EXT2: variants seen among roughly 807,000 people sequenced by gnomAD.
EXT2 encodes exostosin glycosyltransferase 2, also known as exostosin-2.
In EXT2, 53 loss-of-function variants were observed where a neutral mutation model predicts 81.6. The observed-to-expected ratio is 0.65, with a 90% confidence interval of 0.52 to 0.82. The LOEUF is 0.82. EXT2 is among the 40% of genes least tolerant of loss of function. The pLI is 0.00. For missense variants in EXT2, 774 were observed against 910.2 expected, an observed-to-expected ratio of 0.85 and a Z score of 1.93; for synonymous variants, 320 against 340.0, an observed-to-expected ratio of 0.94 and a Z score of 0.65.
At chr11:44,130,473 G>A (rs1405194958) in intron 7 of EXT2, among the ~76,000 whole-genome samples, 1 of 152,182 alleles carries the variant, frequency 6.6e-6, no homozygotes, top group Admixed American at 6.5e-5. Flanking sequence ...CCATTTCAGG[G>A]CAATACTTCT....
chr11:44,186,964 G>A (rs1188632067), intron 8 of EXT2, among the ~76,000 whole-genome samples: 2 of 151,256 alleles, frequency 1.3e-5, no homozygotes, highest in African/African-American at 4.9e-5. Flanking sequence ...CCATTTATTA[G>A]CTTGACCTTG....
chr11:44,147,128 G>T (rs770086980), intron 7 of EXT2, among the ~76,000 whole-genome samples: 1 of 152,150 alleles, frequency 6.6e-6, no homozygotes, highest in African/African-American at 2.4e-5. Flanking sequence ...AGATCAACCC[G>T]CCCCAGCACA....
chr11:44,198,111 A>G (rs1417138469), intron 9 of EXT2, 93 bp downstream of exon 9: 2 of 1,248,340 alleles, frequency 1.6e-6, no homozygotes, highest in East Asian at 4.9e-5. Flanking sequence ...CTGCTTTGTC[A>G]ATAGCAATAC....
intron 7 of EXT2, among the ~76,000 whole-genome samples, chr11:44,165,771 G>A (rs1396539368): frequency 6.6e-6 from 1 of 152,210 alleles, no homozygotes; most frequent in African/African-American, 2.4e-5. Flanking sequence ...GGATATATAT[G>A]TGTTTATGTT....
chr11:44,117,922 T>G (rs1002428037), intron 4 of EXT2, among the ~76,000 whole-genome samples: 1 of 152,178 alleles, frequency 6.6e-6, no homozygotes, highest in Non-Finnish European at 1.5e-5. Context: ...CCACCACGCT[T>G]GGCTAATTTT....
Position 44,096,429 on chromosome 11 carries a change from G to A in EXT2, c.-31+577G>A, listed in dbSNP as rs1416752329. Reference sequence around the variant, plus strand: ...TAGATGGCCGGGGGCGTGTTAGGCCGGGGACTGGGTGGCCGGGGTCATGTT... The same window carrying A: ...TAGATGGCCGGGGGCGTGTTAGGCCAGGGACTGGGTGGCCGGGGTCATGTT... On this transcript the variant is annotated intron_variant, in intron 1 of 13. Coordinates refer to ENST00000533608, the MANE Select transcript of EXT2 (RefSeq NM_207122.2). 7 of 1,172,336 alleles carry A rather than the reference G, an allele frequency of 6.0e-6. No homozygotes were observed. In the African/African-American group the frequency reaches 6.1e-5, roughly 10 times the overall value. 72.6% of individuals were successfully genotyped at this position (1,172,336 alleles called of 1,614,324 possible).
At chr11:44,175,376 C>CT (rs1363248649) in intron 8 of EXT2, among the ~76,000 whole-genome samples, 2 of 150,844 alleles carry the variant, frequency 1.3e-5, no homozygotes, top group South Asian at 4.2e-4. Context: ...CTTTTTTTTT[C>CT]TTTTTTTTCT....
At chr11:44,097,761 AAAATAAATAAATAAATAAAT>A (rs146581535) in intron 1 of EXT2, among the ~76,000 whole-genome samples, 4 of 110,924 alleles carry the variant, frequency 3.6e-5, no homozygotes, top group Non-Finnish European at 5.2e-5. Flanking sequence ...TCCATCTCAA[AAAATAAATAAATAAATAAAT>A]AAATAAATAA....
intron 9 of EXT2, among the ~76,000 whole-genome samples, chr11:44,198,715 G>A (rs1272376216): frequency 4.6e-5 from 7 of 152,212 alleles, no homozygotes; most frequent in Admixed American, 3.3e-4. Flanking sequence ...TTAAAGCCAG[G>A]AAGTTTCTGA....
chr11:44,187,009 C>T (rs1342809494), intron 8 of EXT2, among the ~76,000 whole-genome samples: 1 of 138,138 alleles, frequency 7.2e-6, no homozygotes, highest in Admixed American at 7.4e-5. Context: ...TTCCTTCCTT[C>T]CTTCCTTCCT....
In EXT2 at chr11:44,130,151, G is replaced by A. The variant is rs182818902; in HGVS notation, c.1173+13G>A. On this transcript the variant is annotated intron_variant, in intron 7 of 13. Coordinates refer to ENST00000533608, the MANE Select transcript of EXT2 (RefSeq NM_207122.2). ...AATGCAGAGACAGGTAAGAGGCCAA[G>A]TCTTGGGGAGGTGACATGGGTGGTA... 2.5e-6 allele frequency: 4 copies of A among 1,609,112 alleles called. No individual in the cohort carries two copies. Among genetic ancestry groups the A allele is most frequent in the Admixed American group, 1.7e-5 (1 of 60,006 alleles).
Position 44,105,438 on chromosome 11 carries a change from T to A in EXT2, c.-30-2245T>A, listed in dbSNP as rs139049473. 6.0e-3 allele frequency among the ~76,000 whole-genome samples: 911 copies of A among 152,244 alleles called. 11 individuals are homozygous for A. Among genetic ancestry groups the A allele is most frequent in the South Asian group, 0.046 (223 of 4,814 alleles). On this transcript the variant is annotated intron_variant, in intron 1 of 13. Transcript: ENST00000533608. ...TCCCAAGTAGCTGGGATTACAGGTG[T>A]CTGCCATCATGCCTGGCTAATTTTT...
At chr11:44,128,547 C>G (rs114418290) in intron 6 of EXT2, among the ~76,000 whole-genome samples, 2,691 of 152,220 alleles carry the variant, frequency 0.018, 87 homozygotes, top group African/African-American at 0.061. Context: ...CAGCAGTTAC[C>G]AAATCCTGTG....
Position 44,246,249 on chromosome 11 carries a change from T to A in EXT2, c.*1962T>A, listed in dbSNP as rs1359313287. 6.6e-6 allele frequency among the ~76,000 whole-genome samples: 1 copy of A among 152,208 alleles called. No individual in the cohort carries two copies. On this transcript the variant is annotated 3_prime_UTR_variant, in exon 14 of 14. Coordinates refer to ENST00000533608, the MANE Select transcript of EXT2 (RefSeq NM_207122.2). ...ACATTGAAATCTCTGCTGAAAGCTA[T>A]GGACTGTGCTGGCATTGTGTATGTG...
chr11:44,149,495 CA>C (rs1289676745), intron 7 of EXT2, among the ~76,000 whole-genome samples: 1 of 152,084 alleles, frequency 6.6e-6, no homozygotes, highest in Non-Finnish European at 1.5e-5. Context: ...CCATGTAATC[CA>C]ATGCCATATA....
At chr11:44,120,203 GTC>G (rs1276458168) in intron 4 of EXT2, among the ~76,000 whole-genome samples, 1 of 152,142 alleles carries the variant, frequency 6.6e-6, no homozygotes, top group Non-Finnish European at 1.5e-5. Flanking sequence ...GTAATTTAGT[GTC>G]TCTAATTTTT....
chr11:44,171,359 A>T (rs934038825), intron 7 of EXT2, among the ~76,000 whole-genome samples: 2 of 152,238 alleles, frequency 1.3e-5, no homozygotes, highest in African/African-American at 2.4e-5. Context: ...ATCATCACAT[A>T]ATTTATCTTC....
intron 8 of EXT2, among the ~76,000 whole-genome samples, chr11:44,195,925 T>A (rs918597505): frequency 1.4e-4 from 22 of 152,228 alleles, no homozygotes; most frequent in Non-Finnish European, 2.5e-4. Flanking sequence ...CCACAATTTT[T>A]AAAAGTGAAC....
rs1369327053 is a variant in EXT2 at position 44,246,578 on chromosome 11, G to A, written c.*2291G>A. On this transcript the variant is annotated 3_prime_UTR_variant, in exon 14 of 14. Coordinates refer to ENST00000533608, the MANE Select transcript of EXT2 (RefSeq NM_207122.2). ...ATTGGGTGTTAGATCTTGCAACACA[G>A]CATAAAACAATTTATGTTAAAGAAG... 6.6e-6 allele frequency among the ~76,000 whole-genome samples: 1 copy of A among 152,156 alleles called. No homozygotes were observed. Among genetic ancestry groups the A allele is most frequent in the Non-Finnish European group, 1.5e-5 (1 of 68,012 alleles).
Sources: gnomAD v4.1 joint callset for allele counts (sites outside exome capture counted in the v4.1 genomes callset) on GRCh38, gnomAD v4.1.1 for gene constraint, MANE v1.5 for transcripts, NCBI Gene and HGNC (gene_info 2026-07-23, HGNC 2026-07-21) for gene names.